Variants in SRD5A1 observed in about 807,000 individuals in gnomAD.
SRD5A1 encodes 3-oxo-5-alpha-steroid 4-dehydrogenase 1.
Under a neutral mutation model 28.2 loss-of-function variants are expected in SRD5A1, and 22 were observed. That is an observed-to-expected ratio of 0.78 (90% CI 0.56 to 1.12). The LOEUF (loss-of-function observed/expected upper bound fraction) is 1.12. Ranked by LOEUF, SRD5A1 falls within the 50% of genes most tolerant of loss-of-function variation. The pLI, the probability that SRD5A1 is intolerant of heterozygous loss-of-function variation, is 0.00. For synonymous variants in SRD5A1, 151 were observed against 135.0 expected, an observed-to-expected ratio of 1.12 and a Z score of -0.82; for missense variants, 300 against 346.7, an observed-to-expected ratio of 0.87 and a Z score of 1.07.
intron 3 of SRD5A1, among the ~76,000 whole-genome samples, chr5:6,659,853 A>T (rs1017706803): frequency 1.3e-5 from 2 of 152,092 alleles, no homozygotes; most frequent in African/African-American, 4.8e-5. Context: ...GCTGTGCCCC[A>T]TGAAGACTCC....
chr5:6,664,519 C>T (rs1042849023), intron 4 of SRD5A1, among the ~76,000 whole-genome samples: 1 of 152,160 alleles, frequency 6.6e-6, no homozygotes, highest in African/African-American at 2.4e-5. Context: ...ATCTTCCCAC[C>T]TCAGCCTTCC....
intron 2 of SRD5A1, among the ~76,000 whole-genome samples, chr5:6,654,376 T>C (rs10065299): frequency 0.35 from 52,733 of 151,582 alleles, 9,373 homozygotes; most frequent in Middle Eastern, 0.43. Flanking sequence ...CAAAAGGTTT[T>C]TCAAAACAGC....
At chr5:6,640,108 T>C (rs1053044601) in intron 1 of SRD5A1, among the ~76,000 whole-genome samples, 2 of 152,130 alleles carry the variant, frequency 1.3e-5, no homozygotes, top group Non-Finnish European at 2.9e-5. Context: ...CGGGTCCTCA[T>C]GGTGTGGTGG....
intron 1 of SRD5A1, among the ~76,000 whole-genome samples, chr5:6,641,797 A>G (rs1245366879): frequency 2.6e-5 from 4 of 152,238 alleles, no homozygotes; most frequent in African/African-American, 9.6e-5. Flanking sequence ...AAGTCATTCA[A>G]AAATGCAGCT....
rs984931528 is a variant in SRD5A1, at chr5:6,672,029, G to C, written c.*3761G>C. 6.6e-6 allele frequency: 1 copy of C among 152,172 alleles called. No homozygotes were observed. Among genetic ancestry groups the C allele is most frequent in the East Asian group, 1.9e-4 (1 of 5,190 alleles). 9.4% of individuals were successfully genotyped at this position (152,172 alleles called of 1,614,324 possible). A position where few individuals can be genotyped will look rare whatever the true frequency, so the allele number is the denominator to read the frequency against. On this transcript the variant is annotated 3_prime_UTR_variant, in exon 5 of 5. Coordinates refer to ENST00000274192, the MANE Select transcript of SRD5A1 (RefSeq NM_001047.4). ...TAGGGAAGAAAATAATTGATGTTGT[G>C]AGTTGGGCGGGACTTTAGGGACTAT... is the stretch of plus-strand genomic sequence containing the variant.
In SRD5A1 at chr5:6,674,318, C is replaced by CA. The variant is rs1288579624; in HGVS notation, c.*6052dup. 3 of 151,876 alleles carry CA rather than the reference C, an allele frequency of 2.0e-5. No homozygotes were observed. Among genetic ancestry groups the CA allele is most frequent in the African/African-American group, 7.3e-5 (3 of 41,332 alleles). The allele number at this position is 151,876 out of a possible 1,614,324, so 9.4% of individuals were successfully genotyped here. A position where few individuals can be genotyped will look rare whatever the true frequency, so the allele number is the denominator to read the frequency against. ...ATGTGAGAACTCTGTACTTTCTTTT[C>CA]AATGTTTCTGTAAACATAAAGCTGC... On this transcript the variant is annotated 3_prime_UTR_variant, in exon 5 of 5. Transcript: ENST00000274192.
chr5:6,653,645 G>A (rs1023855492), intron 2 of SRD5A1: 5 of 152,182 alleles, frequency 3.3e-5, no homozygotes, highest in African/African-American at 9.7e-5. Flanking sequence ...TGGTAACAAG[G>A]AATAAGAGGA....
Position 6,633,754 on chromosome 5 carries a change from G to C in SRD5A1, c.178G>C (p.Glu60Gln), listed in dbSNP as rs755739402. The C allele has an allele frequency of 1.3e-6, 2 of 1,596,918 alleles. No individual in the cohort carries two copies. The highest frequency in any genetic ancestry group is 1.7e-6 in the Non-Finnish European group (2 of 1,179,338). The stretch of plus-strand genomic sequence containing the variant: ...GGCGCGGGCCGCCTGGGTGGTGCAG[G>C]AGCTGCCCTCGCTGGCCCTGCCGCT... Reference protein sequence around the residue: ...VPARAAWVVQELPSLALPLYQ... With the variant: ...VPARAAWVVQQLPSLALPLYQ... The change falls in exon 1 of 5, where the codon GAG becomes CAG. Residue 60 changes from glutamate to glutamine, a missense_variant. Coordinates refer to ENST00000274192, the MANE Select transcript of SRD5A1 (RefSeq NM_001047.4).
chr5:6,644,259 T>C (rs761129550), intron 1 of SRD5A1, among the ~76,000 whole-genome samples: 4 of 152,230 alleles, frequency 2.6e-5, no homozygotes, highest in Non-Finnish European at 5.9e-5. Flanking sequence ...GTATTGAATT[T>C]AGGATGGATT....
chr5:6,653,887 G>A (rs747054133), intron 2 of SRD5A1, among the ~76,000 whole-genome samples: 6 of 151,930 alleles, frequency 3.9e-5, no homozygotes, highest in Non-Finnish European at 8.8e-5. Flanking sequence ...TTAAACAGAA[G>A]GATTTGAAAA....
In SRD5A1 at chr5:6,673,892, A is replaced by G. The variant is rs1303464049; in HGVS notation, c.*5624A>G. The stretch of plus-strand genomic sequence containing the variant: ...CTAGATACTATATGATCCCAACTGT[A>G]TAACATTCTGAAAAAGGCACAACTA... On this transcript the variant is annotated 3_prime_UTR_variant, in exon 5 of 5. Coordinates refer to ENST00000274192, the MANE Select transcript of SRD5A1 (RefSeq NM_001047.4). The G allele has an allele frequency of 6.6e-6, 1 of 152,242 alleles. No homozygotes were observed. Among genetic ancestry groups the G allele is most frequent in the Admixed American group, 6.5e-5 (1 of 15,280 alleles). 9.4% of individuals were successfully genotyped at this position (152,242 alleles called of 1,614,324 possible).
At position 6,669,018 on chromosome 5, in the gene SRD5A1, G is replaced by C. The variant is rs1246731344; in HGVS notation, c.*750G>C. 2 of 152,266 alleles carry C rather than the reference G, an allele frequency of 1.3e-5. No homozygotes were observed. The highest frequency in any genetic ancestry group is 2.9e-5 in the Non-Finnish European group (2 of 68,088). The allele number at this position is 152,266 out of a possible 1,614,324, so 9.4% of individuals were successfully genotyped here. A position where few individuals can be genotyped will look rare whatever the true frequency, so the allele number is the denominator to read the frequency against. ...TTAGGCCATGGGTCACTCACCGTGA[G>C]CCATCAATGTGCTCTGGTCTGACAT... On this transcript the variant is annotated 3_prime_UTR_variant, in exon 5 of 5. Transcript: ENST00000274192.
intron 4 of SRD5A1, among the ~76,000 whole-genome samples, chr5:6,664,097 G>A (rs572464282): frequency 6.6e-6 from 1 of 152,148 alleles, no homozygotes; most frequent in African/African-American, 2.4e-5. Flanking sequence ...CTTAGCAAGC[G>A]GCCAGCCTGG....
At chr5:6,646,973 G>T (rs1048454931) in intron 1 of SRD5A1, among the ~76,000 whole-genome samples, 15 of 152,140 alleles carry the variant, frequency 9.9e-5, no homozygotes, top group East Asian at 3.8e-4. Flanking sequence ...CTGGTATGTT[G>T]TATCTTTGTT....
At chr5:6,656,946 G>T (rs1261144711) in intron 3 of SRD5A1, among the ~76,000 whole-genome samples, 1 of 152,178 alleles carries the variant, frequency 6.6e-6, no homozygotes, top group African/African-American at 2.4e-5. Context: ...TAGAATTAAT[G>T]GAAACATTAT....
chr5:6,647,668 C>T (rs999949966), intron 1 of SRD5A1, among the ~76,000 whole-genome samples: 3 of 152,150 alleles, frequency 2.0e-5, no homozygotes, highest in African/African-American at 7.2e-5. Flanking sequence ...TGTCTTTGCA[C>T]GTGAGATGGG....
At chr5:6,633,968 C>T in intron 1 of SRD5A1, 99 bp downstream of exon 1, 1 of 1,314,046 alleles carries the variant, frequency 7.6e-7, no homozygotes, top group Non-Finnish European at 1.1e-6. Flanking sequence ...AAGCCTCCCC[C>T]ACCCAGATGC....
rs1229733896 is a variant in SRD5A1, at chr5:6,651,974, T to C, written c.426T>C (p.Ala142=). 1 of 1,613,890 alleles carries C rather than the reference T, an allele frequency of 6.2e-7. No individual in the cohort carries two copies. Reference sequence around the variant, plus strand: ...ACTTGAGCCATTGTGCAGTGTATGCTGATGACTGGGTAACAGATCCCCGTT... The same window carrying C: ...ACTTGAGCCATTGTGCAGTGTATGCCGATGACTGGGTAACAGATCCCCGTT... The part of the protein sequence containing the change: ...SRYLSHCAVY[A]DDWVTDPRFL... Residue 142 remains alanine (A), a synonymous_variant, in exon 2 of 5, where the codon GCT becomes GCC. Coordinates refer to ENST00000274192, the MANE Select transcript of SRD5A1 (RefSeq NM_001047.4).
At chr5:6,637,777 CT>C (rs1305495148) in intron 1 of SRD5A1, among the ~76,000 whole-genome samples, 4 of 152,216 alleles carry the variant, frequency 2.6e-5, no homozygotes, top group Non-Finnish European at 5.9e-5. Context: ...GCCCAGAGGC[CT>C]CCTCTTTCTG....
Sources: gnomAD v4.1 joint callset for allele counts (sites outside exome capture counted in the v4.1 genomes callset) on GRCh38, gnomAD v4.1.1 for gene constraint, MANE v1.5 for transcripts, NCBI Gene and HGNC (gene_info 2026-07-23, HGNC 2026-07-21) for gene names.